CCNY: variants seen among roughly 807,000 people sequenced by gnomAD.
CCNY encodes cyclin Y.
In CCNY, 19 loss-of-function variants were observed where a neutral mutation model predicts 42.8. The observed-to-expected ratio is 0.44, with a 90% CI of 0.31 to 0.65. The LOEUF (loss-of-function observed/expected upper bound fraction) is 0.65. Ranked by LOEUF, CCNY falls within the 30% of genes least tolerant of loss-of-function variation. The pLI, the probability that CCNY is intolerant of heterozygous loss-of-function variation, is 0.07. For missense variants in CCNY, 370 were observed against 437.3 expected (o/e 0.85, Z 1.37); for synonymous variants, 165 against 162.7 (o/e 1.01, Z -0.11).
rs142770397 is a variant in CCNY at position 35,527,782 on chromosome 10, T to A, written c.401+1783T>A. 2.8e-3 allele frequency among the ~76,000 whole-genome samples: 431 copies of A among 152,350 alleles called. 2 individuals are homozygous for A. Among genetic ancestry groups the A allele is most frequent in the African/African-American group, 8.9e-3 (372 of 41,570 alleles). ...ATTGCCACCTGCATGTCTCTAGGTA[T>A]GAGGAGGGATGCCCGTCTGCATGCC... On this transcript the variant is annotated intron_variant, in intron 5 of 9. Transcript: ENST00000374704.
chr10:35,382,855 T>G lies in CCNY; in HGVS notation c.154+45648T>G, dbSNP rs868195649. ...TTATAATTGTTGTTATTATTATGATTAACTTAGTGAAAATAAAATCCAAAA... is the reference window on the plus strand; with the variant it reads ...TTATAATTGTTGTTATTATTATGATGAACTTAGTGAAAATAAAATCCAAAA... On this transcript the variant is annotated intron_variant, in intron 1 of 9. Coordinates refer to ENST00000374704, the MANE Select transcript of CCNY (RefSeq NM_145012.6). Among the ~76,000 whole-genome samples, 3 of 152,166 alleles carry G rather than the reference T, an allele frequency of 2.0e-5. No individual in the cohort carries two copies. The South Asian group carries it at 6.2e-4, about 32-fold the overall frequency.
At chr10:35,302,305 T>A (rs1210883438) in intron 3 of CCNY, among the ~76,000 whole-genome samples, 1 of 147,640 alleles carries the variant, frequency 6.8e-6, no homozygotes, top group African/African-American at 2.5e-5. Flanking sequence ...TACTTTGACA[T>A]CTTAATTTTT....
chr10:35,331,974 G>A (rs949793477), upstream of CCNY, among the ~76,000 whole-genome samples: 4 of 152,118 alleles, frequency 2.6e-5, no homozygotes, highest in Non-Finnish European at 4.4e-5. Context: ...TATCCTCAAG[G>A]TGCCTGGCTC....
intron 8 of CCNY, among the ~76,000 whole-genome samples, chr10:35,560,520 C>A (rs1841445313): frequency 6.6e-6 from 1 of 152,174 alleles, no homozygotes; most frequent in Admixed American, 6.5e-5. Context: ...CTACGGAGAG[C>A]AGCCTCAGGA....
chr10:35,306,082 TG>T (rs1451094757), intron 3 of CCNY, among the ~76,000 whole-genome samples: 2 of 152,208 alleles, frequency 1.3e-5, no homozygotes, highest in Non-Finnish European at 2.9e-5. Context: ...TTGCCCAGCC[TG>T]GAGTGCAGTG....
intron 3 of CCNY, among the ~76,000 whole-genome samples, chr10:35,285,099 T>C (rs1425407332): frequency 6.6e-6 from 1 of 152,124 alleles, no homozygotes; most frequent in Non-Finnish European, 1.5e-5. Context: ...CACAGCAATC[T>C]CCGCCTCCCA....
intron 3 of CCNY, among the ~76,000 whole-genome samples, chr10:35,312,641 T>C (rs1022022404): frequency 6.6e-6 from 1 of 151,942 alleles, no homozygotes. Context: ...CATCCTGGGG[T>C]ATGTGCCTCT....
chr10:35,307,435 G>A (rs536229281), intron 3 of CCNY, among the ~76,000 whole-genome samples: 3 of 152,256 alleles, frequency 2.0e-5, no homozygotes, highest in South Asian at 2.1e-4. Flanking sequence ...AGCAGAGGAC[G>A]GAGATTATGT....
intron 2 of CCNY, among the ~76,000 whole-genome samples, chr10:35,248,687 T>C (rs1363140473): frequency 6.6e-6 from 1 of 150,862 alleles, no homozygotes; most frequent in Admixed American, 6.6e-5. Context: ...AAAATCAGAC[T>C]AGGGCTGGGT....
intron 1 of CCNY, among the ~76,000 whole-genome samples, chr10:35,340,584 A>G (rs1293146521): frequency 6.7e-6 from 1 of 149,322 alleles, no homozygotes; most frequent in Non-Finnish European, 1.5e-5. Flanking sequence ...GGTTCACTGC[A>G]ACCTCCACCT....
intron 1 of CCNY, among the ~76,000 whole-genome samples, chr10:35,482,384 T>C: frequency 6.6e-6 from 1 of 152,258 alleles, no homozygotes; most frequent in East Asian, 1.9e-4. Context: ...GTAATTTTGA[T>C]CTCTTTCCTT....
intron 3 of CCNY, among the ~76,000 whole-genome samples, chr10:35,509,904 C>T (rs541662820): frequency 1.3e-5 from 2 of 152,278 alleles, no homozygotes; most frequent in African/African-American, 4.8e-5. Context: ...TTTATGGTTT[C>T]GTGGAGACTG....
chr10:35,516,453 G>T, intron 3 of CCNY, 70 bp from the exon 4 acceptor site: 1 of 997,182 alleles, frequency 1.0e-6, no homozygotes. Flanking sequence ...AAGTTAAGCG[G>T]GGGTGATGTT....
In CCNY at chr10:35,568,437, C is replaced by T. The variant is rs965682801; in HGVS notation, c.910-617C>T. Among the ~76,000 whole-genome samples, 17 of 152,346 alleles carry T rather than the reference C, an allele frequency of 1.1e-4. 1 individual carries two copies. Among genetic ancestry groups the T allele is most frequent in the Admixed American group, 9.1e-4 (14 of 15,306 alleles). On this transcript the variant is annotated intron_variant, in intron 9 of 9. Coordinates refer to ENST00000374704, the MANE Select transcript of CCNY (RefSeq NM_145012.6). Reference sequence around the variant, plus strand: ...GTGGCAGCCCTGGGAGAGTTGTTGCCAGAGTAGCATGGTCCCCCGTCCTTA... The same window carrying T: ...GTGGCAGCCCTGGGAGAGTTGTTGCTAGAGTAGCATGGTCCCCCGTCCTTA...
intron 3 of CCNY, among the ~76,000 whole-genome samples, chr10:35,301,594 A>AT (rs937630974): frequency 5.3e-5 from 8 of 151,804 alleles, no homozygotes; most frequent in South Asian, 2.1e-4. Context: ...GTCTTTTCTT[A>AT]TTTTTTTTAT....
intron 1 of CCNY, among the ~76,000 whole-genome samples, chr10:35,442,997 A>C (rs1025019109): frequency 6.6e-6 from 1 of 152,242 alleles, no homozygotes; most frequent in Non-Finnish European, 1.5e-5. Flanking sequence ...TAATTTGAAC[A>C]CAGTGGTTAA....
chr10:35,501,565 A>G, intron 3 of CCNY, 30 bp downstream of exon 3: 2 of 1,598,296 alleles, frequency 1.3e-6, no homozygotes, highest in African/African-American at 1.3e-5. Flanking sequence ...TGTGTTCTTC[A>G]TAATGACTGT....
At chr10:35,310,998 A>G (rs1281139800) in intron 3 of CCNY, among the ~76,000 whole-genome samples, 1 of 151,866 alleles carries the variant, frequency 6.6e-6, no homozygotes, top group Non-Finnish European at 1.5e-5. Context: ...AAAACAAAAC[A>G]AAACAAAACA....
At chr10:35,549,402 C>T (rs1233949203) in intron 7 of CCNY, among the ~76,000 whole-genome samples, 3 of 105,118 alleles carry the variant, frequency 2.9e-5, no homozygotes, top group East Asian at 2.9e-4. Context: ...ACCCTGTGCT[C>T]CTCATGGCCC....
Sources: gnomAD v4.1 joint callset for allele counts (sites outside exome capture counted in the v4.1 genomes callset) on GRCh38, gnomAD v4.1.1 for gene constraint, MANE v1.5 for transcripts, NCBI Gene and HGNC (gene_info 2026-07-23, HGNC 2026-07-21) for gene names.